Variants in COL6A1 observed in about 807,000 individuals in gnomAD.
COL6A1 encodes the protein collagen alpha-1(VI) chain.
A neutral mutation model predicts 145.6 loss-of-function variants in COL6A1; 80 were observed. The observed-to-expected ratio is 0.55, with a 90% confidence interval of 0.46 to 0.66. COL6A1 has a LOEUF of 0.66. Ranked by LOEUF, COL6A1 falls within the 30% of genes least tolerant of loss-of-function variation. COL6A1 has a pLI of 0.00. For synonymous variants in COL6A1, 638 were observed against 622.8 expected, an observed-to-expected ratio of 1.02 and a Z score of -0.36; for missense variants, 1,364 against 1,473.8, an observed-to-expected ratio of 0.93 and a Z score of 1.22.
rs2077815058 is a variant in COL6A1 at position 45,997,849 on chromosome 21, T to C, written c.1524+87T>C. ...CCCAGCCCCGCACTGTGGAGCTGCC[T>C]GGGGTCCCTGACCGGGCCGGGAGTG... On this transcript the variant is annotated intron_variant, in intron 22 of 34. Coordinates refer to ENST00000361866, the MANE Select transcript of COL6A1 (RefSeq NM_001848.3). The C allele has an allele frequency of 2.8e-6, 4 of 1,424,606 alleles. No individual in the cohort carries two copies. In the South Asian group the frequency reaches 5.0e-5, roughly 18 times the overall value. 88.2% of individuals were successfully genotyped at this position (1,424,606 alleles called of 1,614,324 possible).
At chr21:45,983,332 C>T (rs1251596933) in intron 2 of COL6A1, among the ~76,000 whole-genome samples, 2 of 146,990 alleles carry the variant, frequency 1.4e-5, no homozygotes, top group East Asian at 2.0e-4. Context: ...TCCATCTGTG[C>T]GTGTGGCTGA....
Position 45,981,914 on chromosome 21 carries a change from G to T in COL6A1, c.64G>T (p.Glu22Ter). The change falls in exon 1 of 35, where the codon GAG becomes TAG. Residue 22 changes from glutamate (E) to a stop codon, truncating the protein, a stop_gained. Transcript: ENST00000361866. LOFTEE classifies it high-confidence loss of function. ...LQACWTAAQD[E>*]PETPRAVAFQ... ...GGCCTGCTGGACAGCCGCGCAGGATGAGCCGGAGACCCCGAGGGCCGTGGC... is the reference window on the plus strand; with the variant it reads ...GGCCTGCTGGACAGCCGCGCAGGATTAGCCGGAGACCCCGAGGGCCGTGGC... The T allele has an allele frequency of 6.2e-7, 1 of 1,607,626 alleles. No homozygotes were observed. Among genetic ancestry groups the T allele is most frequent in the East Asian group, 2.2e-5 (1 of 44,600 alleles).
In COL6A1 at chr21:46,002,542, A is replaced by T; in HGVS notation, c.2266A>T (p.Ile756Phe). 1.2e-6 allele frequency: 2 copies of T among 1,614,122 alleles called. No individual in the cohort carries two copies. Reference protein sequence around the residue: ...SPGIQVVSVGIKDVFDFIPGS... With the variant: ...SPGIQVVSVGFKDVFDFIPGS... Reference sequence around the variant, plus strand: ...GTCCCCACAGGTGGTCTCCGTGGGCATCAAAGACGTGTTTGACTTCATCCC... The same window carrying T: ...GTCCCCACAGGTGGTCTCCGTGGGCTTCAAAGACGTGTTTGACTTCATCCC... The change falls in exon 33 of 35, where the codon ATC (isoleucine) becomes TTC (phenylalanine). Residue 756 changes from isoleucine (I) to phenylalanine (F), a missense_variant. Ile to Phe is a conservative substitution (Grantham distance 21). Coordinates refer to ENST00000361866, the MANE Select transcript of COL6A1 (RefSeq NM_001848.3).
At chr21:46,001,113 C>T in intron 29 of COL6A1, 140 bp from the exon 30 acceptor site, 3 of 1,237,960 alleles carry the variant, frequency 2.4e-6, no homozygotes, top group Non-Finnish European at 3.4e-6. Context: ...AGGGGGTGGG[C>T]TTTTCTGGGG....
chr21:45,990,646 G>A (rs1385585631), intron 13 of COL6A1, 127 bp from the exon 14 acceptor site: 5 of 839,714 alleles, frequency 6.0e-6, no homozygotes, highest in South Asian at 2.8e-5. Context: ...GACCCCAGGG[G>A]GGTGTCTGCT....
rs1030070171 is a variant in COL6A1, at chr21:46,004,890, C to T, written c.*877C>T. 6.0e-6 allele frequency: 1 copy of T among 167,612 alleles called. No individual in the cohort carries two copies. Among genetic ancestry groups the T allele is most frequent in the African/African-American group, 2.4e-5 (1 of 41,924 alleles). 10.4% of individuals were successfully genotyped at this position (167,612 alleles called of 1,614,324 possible). A position where few individuals can be genotyped will look rare whatever the true frequency, so the allele number is the denominator to read the frequency against. ...TGGTGCCACAGAGGGCTGTGTCTTACTAGAAACAACGCAAACCTCTCCTTC... is the reference window on the plus strand; with the variant it reads ...TGGTGCCACAGAGGGCTGTGTCTTATTAGAAACAACGCAAACCTCTCCTTC... On this transcript the variant is annotated 3_prime_UTR_variant, in exon 35 of 35. Transcript: ENST00000361866.
rs762991345 is a variant in COL6A1 at position 45,987,609 on chromosome 21, GC to G, written c.761del (p.Pro254LeufsTer47). ...EQVCCSFECQ[P>X]ARGPPGLRGD... ...GGCTGACCGTCCCCTCTGCCTTGCAGCCTGCAAGAGGACCTCCGGGGCTCCG... is the reference window on the plus strand; with the variant it reads ...GGCTGACCGTCCCCTCTGCCTTGCAGCTGCAAGAGGACCTCCGGGGCTCCG... On this transcript the variant is annotated frameshift_variant and splice_region_variant, in exon 8 of 35. Transcript: ENST00000361866. LOFTEE classifies it high-confidence loss of function. The G allele has an allele frequency of 6.2e-7, 1 of 1,612,194 alleles. No individual in the cohort carries two copies. The highest frequency in any genetic ancestry group is 8.5e-7 in the Non-Finnish European group (1 of 1,179,814).
At chr21:45,983,702 C>T (rs1294337845) in intron 2 of COL6A1, among the ~76,000 whole-genome samples, 1 of 152,182 alleles carries the variant, frequency 6.6e-6, no homozygotes, top group Non-Finnish European at 1.5e-5. Flanking sequence ...GGGGCGGCCG[C>T]GTGGCCCAGC....
At chr21:45,999,285 G>T (rs2077824817) in intron 26 of COL6A1, 67 bp downstream of exon 26, 2 of 1,439,018 alleles carry the variant, frequency 1.4e-6, no homozygotes, top group South Asian at 2.4e-5. Flanking sequence ...TGGGGCTGGG[G>T]AATGCTGGAA....
Position 45,986,782 on chromosome 21 carries a change from G to C in COL6A1, c.588+97G>C, listed in dbSNP as rs961406133. On this transcript the variant is annotated intron_variant, in intron 4 of 34. Transcript: ENST00000361866. ...GGACCGTCTTTTGGTCCTCGGGAGGGTGTGGGTTCTCCAGCCGGCCACCCT... is the reference window on the plus strand; with the variant it reads ...GGACCGTCTTTTGGTCCTCGGGAGGCTGTGGGTTCTCCAGCCGGCCACCCT... 7.9e-6 allele frequency: 12 copies of C among 1,516,828 alleles called. No homozygotes were observed. In the African/African-American group the frequency reaches 1.7e-4, roughly 21 times the overall value. 94.0% of individuals were successfully genotyped at this position (1,516,828 alleles called of 1,614,324 possible).
Position 45,987,792 on chromosome 21 carries a change from GGGTCC to G in COL6A1, c.804+139_804+143del, listed in dbSNP as rs1569517968. ...GGGGTCCAGATGGAGGGGACGGCGG[GGGTCC>G]AGATGGAGGGGACGGCGGGAGTCCA... On this transcript the variant is annotated intron_variant, in intron 8 of 34. Coordinates refer to ENST00000361866, the MANE Select transcript of COL6A1 (RefSeq NM_001848.3). The G allele has an allele frequency of 5.4e-5, 27 of 498,940 alleles. No homozygotes were observed. The East Asian group carries it at 8.3e-4, about 15-fold the overall frequency. 30.9% of individuals were successfully genotyped at this position (498,940 alleles called of 1,614,324 possible).
At chr21:45,996,441 CCTGT>C (rs1363562606) in intron 20 of COL6A1, among the ~76,000 whole-genome samples, 1 of 152,254 alleles carries the variant, frequency 6.6e-6, no homozygotes, top group East Asian at 1.9e-4. Flanking sequence ...CTAGATGCCT[CCTGT>C]CTGCCTGGTG....
chr21:45,990,654 G>A, intron 13 of COL6A1, 119 bp from the exon 14 acceptor site: 1 of 922,370 alleles, frequency 1.1e-6, no homozygotes, highest in Non-Finnish European at 1.8e-6. Context: ...GGGGGTGTCT[G>A]CTAGGCAGGG....
rs1056439059 is a variant in COL6A1 at position 45,994,831 on chromosome 21, C to T, written c.1398+602C>T. Among the ~76,000 whole-genome samples, 1 of 152,156 alleles carries T rather than the reference C, an allele frequency of 6.6e-6. No individual in the cohort carries two copies. ...GCAGGCTGGGCTGGGCCGTTGCATC[C>T]TCCCGGAGCTCACCTGCCCCACGGG... On this transcript the variant is annotated intron_variant, in intron 20 of 34. Transcript: ENST00000361866. The surrounding 1 kb of genome is among the most constrained non-coding windows in gnomAD (Gnocchi z 6.8).
At chr21:45,992,425 T>A (rs1245883207) in intron 18 of COL6A1, 27 bp downstream of exon 18, 2 of 1,609,892 alleles carry the variant, frequency 1.2e-6, no homozygotes, top group South Asian at 2.2e-5. Flanking sequence ...CAGCCTGCGC[T>A]GTTGGCCTCA....
At position 45,994,026 on chromosome 21, in the gene COL6A1, C is replaced by A. The variant is rs564049257; in HGVS notation, c.1336-141C>A. ...TGGGCCGAGGAAACGCTTGGCGAGG[C>A]CAGGAAGGGGCTGTGCGGGGAGGGA... On this transcript the variant is annotated intron_variant, in intron 19 of 34. Transcript: ENST00000361866. This position sits in a 1 kb window ranked among gnomAD's most constrained non-coding sequence, Gnocchi z 6.8. 2.3e-6 allele frequency: 2 copies of A among 866,432 alleles called. No individual in the cohort carries two copies. Among genetic ancestry groups the A allele is most frequent in the Admixed American group, 4.0e-5 (2 of 49,610 alleles). The allele number at this position is 866,432 out of a possible 1,614,324, so 53.7% of individuals were successfully genotyped here. A position where few individuals can be genotyped will look rare whatever the true frequency, so the allele number is the denominator to read the frequency against.
chr21:45,990,368 C>G lies in COL6A1; in HGVS notation c.958-10C>G. 1 of 1,442,130 alleles carries G rather than the reference C, an allele frequency of 6.9e-7. No homozygotes were observed. Among genetic ancestry groups the G allele is most frequent in the Non-Finnish European group, 9.3e-7 (1 of 1,076,978 alleles). 89.3% of individuals were successfully genotyped at this position (1,442,130 alleles called of 1,614,324 possible). A position where few individuals can be genotyped will look rare whatever the true frequency, so the allele number is the denominator to read the frequency against. On this transcript the variant is annotated splice_polypyrimidine_tract_variant and intron_variant, in intron 12 of 34. Transcript: ENST00000361866. ...CATCTGACTCCTGCCTTCGTTTTCCCGCCTCACAGGGAGAGAAGGGCAAGC... is the reference window on the plus strand; with the variant it reads ...CATCTGACTCCTGCCTTCGTTTTCCGGCCTCACAGGGAGAGAAGGGCAAGC...
chr21:45,998,245 C>G (rs2077818130), intron 23 of COL6A1, 74 bp downstream of exon 23: 12 of 1,587,122 alleles, frequency 7.6e-6, no homozygotes, highest in Non-Finnish European at 1.0e-5. Flanking sequence ...GGACTGGGCA[C>G]TCTTGGGTGG....
chr21:45,982,867 G>A (rs2077715952), intron 2 of COL6A1, 104 bp downstream of exon 2: 2 of 1,528,028 alleles, frequency 1.3e-6, no homozygotes, highest in Non-Finnish European at 1.8e-6. Flanking sequence ...ACCTCCTAAG[G>A]TTGGGCGAGC....
Sources: allele counts gnomAD v4.1 joint callset (sites outside exome capture counted in the v4.1 genomes callset), GRCh38; gene constraint gnomAD v4.1.1; non-coding constraint Gnocchi (gnomAD v3.1); transcripts MANE v1.5; gene names NCBI Gene and HGNC (gene_info 2026-07-23, HGNC 2026-07-21).